The following AXIN2 variants were observed in gnomAD, a reference collection of about 807,000 sequenced individuals.
AXIN2 encodes the protein axin 2.
A neutral mutation model predicts 74.7 loss-of-function variants in AXIN2; 21 were observed. The ratio of observed to expected loss-of-function variants is 0.28; its 90% confidence interval spans 0.20 to 0.40. The LOEUF (loss-of-function observed/expected upper bound fraction) is 0.40. Ranked by LOEUF, AXIN2 falls within the 10% of genes least tolerant of loss-of-function variation. AXIN2 has a pLI of 1.00. For missense variants in AXIN2, 1,144 were observed against 1,111.1 expected, an observed-to-expected ratio of 1.03 and a Z score of -0.42; for synonymous variants, 532 against 454.9, an observed-to-expected ratio of 1.17 and a Z score of -2.16.
At chr17:65,533,271 T>G (rs1236480091) in intron 10 of AXIN2, among the ~76,000 whole-genome samples, 1 of 151,772 alleles carries the variant, frequency 6.6e-6, no homozygotes, top group Non-Finnish European at 1.5e-5. Context: ...ACAGGAGGAG[T>G]AGACTGCCCT....
rs763931522 is a variant in AXIN2 at position 65,541,529 on chromosome 17, T to A, written c.985A>T (p.Ser329Cys). Residue 329 changes from serine to cysteine, a missense_variant, in exon 4 of 11, where the codon AGT (serine) becomes TGT (cysteine). Around this residue, in one of 4 missense-constraint regions of AXIN2, gnomAD observed 1,053 missense variants for 973.5 expected, o/e 1.08. Coordinates refer to ENST00000307078, the MANE Select transcript of AXIN2 (RefSeq NM_004655.4). ...ATTTCTCTCTGGAGCTGTTTCTTACTGCCCACACGATAAGGAGGAATTCCA... is the reference window on the plus strand; with the variant it reads ...ATTTCTCTCTGGAGCTGTTTCTTACAGCCCACACGATAAGGAGGAATTCCA... Reference protein sequence around the residue: ...VDGIPPYRVGSKKQLQREMHR... With the variant: ...VDGIPPYRVGCKKQLQREMHR... The A allele has an allele frequency of 2.5e-6, 4 of 1,614,160 alleles. No homozygotes were observed. The highest frequency in any genetic ancestry group is 2.5e-6 in the Non-Finnish European group (3 of 1,179,990).
intron 3 of AXIN2, among the ~76,000 whole-genome samples, chr17:65,546,359 G>C (rs2044118693): frequency 6.6e-6 from 1 of 152,196 alleles, no homozygotes; most frequent in African/African-American, 2.4e-5. Context: ...GCAGAGTTCT[G>C]AAGAGGAGGT....
At position 65,538,366 on chromosome 17, in the gene AXIN2, G is replaced by A. The variant is rs771763530; in HGVS notation, c.1060-23C>T. Reference sequence around the variant, plus strand: ...TCTCTACAGGACGTGGAAAGGAAAGGGAGGAGGCACGTTCAGCAGGCTAGG... The same window carrying A: ...TCTCTACAGGACGTGGAAAGGAAAGAGAGGAGGCACGTTCAGCAGGCTAGG... On this transcript the variant is annotated intron_variant, in intron 4 of 10. Transcript: ENST00000307078. The A allele has an allele frequency of 1.9e-5, 30 of 1,613,804 alleles. 1 individual carries two copies. The South Asian group carries it at 3.3e-4, about 18-fold the overall frequency.
chr17:65,537,354 G>A lies in AXIN2; in HGVS notation c.1682C>T (p.Ala561Val), dbSNP rs1444558946. The change falls in exon 6 of 11, where the codon GCT (alanine) becomes GTT (valine). Residue 561 changes from alanine (A) to valine (V), a missense_variant. Coordinates refer to ENST00000307078, the MANE Select transcript of AXIN2 (RefSeq NM_004655.4). ...CTGCTCGCTGGGCATGGTTTCCGGA[G>A]CCTTGGAGTGGCTTTTGCATTTCGA... The part of the protein sequence containing the change: ...CYSKCKSHSK[A>V]PETMPSEQFG... The A allele has an allele frequency of 5.6e-6, 9 of 1,614,028 alleles. No individual in the cohort carries two copies. The highest frequency in any genetic ancestry group is 4.0e-5 in the African/African-American group (3 of 74,928).
rs1247453480 is a variant in AXIN2, at chr17:65,533,896, G to C, written c.2405+16C>G. 1 of 1,403,562 alleles carries C rather than the reference G, an allele frequency of 7.1e-7. No homozygotes were observed. The highest frequency in any genetic ancestry group is 1.5e-5 in the African/African-American group (1 of 68,160). 86.9% of individuals were successfully genotyped at this position (1,403,562 alleles called of 1,614,324 possible). ...GCAAACAAACTGAGAGCAGAAAAAA[G>C]CCACAGGACTCTTACCTATAATTTC... On this transcript the variant is annotated intron_variant, in intron 10 of 10. Transcript: ENST00000307078.
Position 65,538,254 on chromosome 17 carries a change from C to T in AXIN2, c.1149G>A (p.Leu383=). The change falls in exon 5 of 11, where the codon CTG becomes CTA. Residue 383 remains leucine, a synonymous_variant. Transcript: ENST00000307078. ...ELISRLEKLK[L]ELESRHSLEE... ...CCAGGCTGTGGCGGCTCTCCAACTC[C>T]AGCTTCAGCTTTTCCAGCCTCGAGA... 6.2e-7 allele frequency: 1 copy of T among 1,614,206 alleles called. No homozygotes were observed.
chr17:65,535,460 G>A (rs2043893407), intron 9 of AXIN2, among the ~76,000 whole-genome samples, 166 bp downstream of exon 9: 3 of 152,316 alleles, frequency 2.0e-5, no homozygotes, highest in Middle Eastern at 3.4e-3. Context: ...TTGTCGGCAG[G>A]ACATGGATGG....
chr17:65,535,146 C>T (rs1308200743), intron 9 of AXIN2, among the ~76,000 whole-genome samples: 1 of 152,184 alleles, frequency 6.6e-6, no homozygotes, highest in Non-Finnish European at 1.5e-5. Flanking sequence ...AGTAATTAAA[C>T]GAGCAGGCTC....
At chr17:65,545,432 G>A (rs1224547889) in intron 3 of AXIN2, among the ~76,000 whole-genome samples, 1 of 152,180 alleles carries the variant, frequency 6.6e-6, no homozygotes, top group East Asian at 1.9e-4. Context: ...GCTCACGCCT[G>A]TAATCCCACC....
chr17:65,538,077 G>GCCCACGCGCATGCGCATGCAA (rs758853047), intron 5 of AXIN2, 126 bp downstream of exon 5: 24 of 1,529,482 alleles, frequency 1.6e-5, no homozygotes, highest in African/African-American at 5.5e-5. Flanking sequence ...CCCACACGCA[G>GCCCACGCGCATGCGCATGCAA]CCCACGCGCA....
chr17:65,542,718 GGT>G (rs2144506448), intron 3 of AXIN2, among the ~76,000 whole-genome samples: 1 of 152,280 alleles, frequency 6.6e-6, no homozygotes, highest in East Asian at 1.9e-4. Context: ...GAATGGTCAA[GGT>G]GTGACTATTT....
At position 65,538,164 on chromosome 17, in the gene AXIN2, C is replaced by T. The variant is rs748426955; in HGVS notation, c.1200+39G>A. 15 of 1,613,702 alleles carry T rather than the reference C, an allele frequency of 9.3e-6. No homozygotes were observed. The Admixed American group carries it at 1.5e-4, about 16-fold the overall frequency. On this transcript the variant is annotated intron_variant, in intron 5 of 10. Coordinates refer to ENST00000307078, the MANE Select transcript of AXIN2 (RefSeq NM_004655.4). ...GCGCATACACATACGAGCGCTCACG[C>T]CGTGGACGGAAGCAGGAAGAAGGCC...
At chr17:65,530,172 C>T in intron 10 of AXIN2, 70 bp from the exon 11 acceptor site, 1 of 1,596,154 alleles carries the variant, frequency 6.3e-7, no homozygotes, top group Non-Finnish European at 8.5e-7. Flanking sequence ...AAAAGCATAC[C>T]AACATGGAGG....
chr17:65,558,652 A>G lies in AXIN2; in HGVS notation c.-32T>C, dbSNP rs756444155. 11 of 1,593,178 alleles carry G rather than the reference A, an allele frequency of 6.9e-6. No individual in the cohort carries two copies. The highest frequency in any genetic ancestry group is 9.4e-6 in the Non-Finnish European group (11 of 1,176,098). Reference sequence around the variant, plus strand: ...GGAGCTCTTCCCACTGAGTCTGGGAATTTTTCTTCTTCCAGTTCCTCTCAG... The same window carrying G: ...GGAGCTCTTCCCACTGAGTCTGGGAGTTTTTCTTCTTCCAGTTCCTCTCAG... On this transcript the variant is annotated 5_prime_UTR_variant, in exon 2 of 11. Transcript: ENST00000307078.
At chr17:65,552,797 G>T (rs1371958488) in intron 2 of AXIN2, among the ~76,000 whole-genome samples, 1 of 152,172 alleles carries the variant, frequency 6.6e-6, no homozygotes, top group African/African-American at 2.4e-5. Flanking sequence ...GGGAGGCCGA[G>T]ATGGGTGGAT....
In AXIN2 at chr17:65,537,702, C is replaced by G; in HGVS notation, c.1334G>C (p.Arg445Thr). ...PQTILDDHLS[R>T]VLKTPGCQSP... ...CTGGCAGCCAGGGGTCTTGAGGACC[C>G]TGGACAGGTGATCGTCCAGTATCGT... The change falls in exon 6 of 11, where the codon AGG becomes ACG. Residue 445 changes from arginine (R) to threonine (T), a missense_variant. Arg to Thr is a moderately conservative substitution (Grantham distance 71). Coordinates refer to ENST00000307078, the MANE Select transcript of AXIN2 (RefSeq NM_004655.4). The G allele has an allele frequency of 6.4e-7, 1 of 1,558,288 alleles. No homozygotes were observed. The highest frequency in any genetic ancestry group is 8.7e-7 in the Non-Finnish European group (1 of 1,151,614).
At position 65,528,747 on chromosome 17, in the gene AXIN2, A is replaced by C; in HGVS notation, c.*1229T>G. On this transcript the variant is annotated 3_prime_UTR_variant, in exon 11 of 11. Coordinates refer to ENST00000307078, the MANE Select transcript of AXIN2 (RefSeq NM_004655.4). ...AAAAAGGCATAAAATATATTTATAC[A>C]TAAACCCCTTTCAAAAAACAAGGGA... 2.0e-6 allele frequency: 1 copy of C among 499,698 alleles called. No individual in the cohort carries two copies. 31.0% of individuals were successfully genotyped at this position (499,698 alleles called of 1,614,324 possible).
intron 1 of AXIN2, among the ~76,000 whole-genome samples, chr17:65,559,184 C>A (rs2044324000): frequency 6.6e-6 from 1 of 152,042 alleles, no homozygotes; most frequent in Admixed American, 6.5e-5. Flanking sequence ...GCAGGTGAAA[C>A]CAATTTCGGT....
chr17:65,536,750 T>C, intron 7 of AXIN2, 119 bp downstream of exon 7: 1 of 1,487,130 alleles, frequency 6.7e-7, no homozygotes, highest in African/African-American at 1.4e-5. Context: ...AATATTAAGA[T>C]GGCAGGAGCA....
Sources: allele counts gnomAD v4.1 joint callset (sites outside exome capture counted in the v4.1 genomes callset), GRCh38; gene constraint gnomAD v4.1.1; regional missense constraint gnomAD v4.1.1; transcripts MANE v1.5; gene names NCBI Gene and HGNC (gene_info 2026-07-23, HGNC 2026-07-21).